Variants in CAMK1D observed in about 807,000 individuals in gnomAD.
CAMK1D encodes calcium/calmodulin dependent protein kinase ID.
In CAMK1D, 9 loss-of-function variants were observed where a neutral mutation model predicts 47.7. That is an observed-to-expected ratio of 0.19 (90% CI 0.11 to 0.33). CAMK1D has a LOEUF of 0.33. Among genes scored for constraint, CAMK1D ranks in the 10% least tolerant of loss-of-function variants. The pLI, the probability that CAMK1D is intolerant of heterozygous loss-of-function variation, is 1.00. For synonymous variants in CAMK1D, 184 were observed against 184.9 expected, an observed-to-expected ratio of 0.99 and a Z score of 0.04; for missense variants, 291 against 488.7, an observed-to-expected ratio of 0.60 and a Z score of 3.81.
In CAMK1D at chr10:12,662,651, C is replaced by CAAAAAAAAAAAAAAAAAAAAAAAAAAAA. The variant is rs56807588; in HGVS notation, c.225-4072_225-4071insAAAAAAAAAAAAAAAAAAAAAAAAAAAA. On this transcript the variant is annotated intron_variant, in intron 2 of 10. Transcript: ENST00000619168. ...TCGGAGACAGAGCAACACTCTGCCT[C>CAAAAAAAAAAAAAAAAAAAAAAAAAAAA]AAAAAAAAAAAAAGGAGATTGTGTT... Among the ~76,000 whole-genome samples, 34 of 140,496 alleles carry CAAAAAAAAAAAAAAAAAAAAAAAAAAAA rather than the reference C, an allele frequency of 2.4e-4. 1 individual carries two copies. Among genetic ancestry groups the CAAAAAAAAAAAAAAAAAAAAAAAAAAAA allele is most frequent in the African/African-American group, 7.6e-4 (29 of 37,920 alleles). 92.2% of individuals were successfully genotyped at this position (140,496 alleles called of 152,430 possible). A position where few individuals can be genotyped will look rare whatever the true frequency, so the allele number is the denominator to read the frequency against.
intron 2 of CAMK1D, among the ~76,000 whole-genome samples, chr10:12,622,714 C>T (rs943931587): frequency 1.3e-5 from 2 of 152,070 alleles, no homozygotes; most frequent in Non-Finnish European, 2.9e-5. Context: ...CAAACGCTGC[C>T]CTGGAGCGGC....
rs534297902 is a variant in CAMK1D at position 12,810,711 on chromosome 10, G to A, written c.642-3484G>A. On this transcript the variant is annotated intron_variant, in intron 6 of 10. Coordinates refer to ENST00000619168, the MANE Select transcript of CAMK1D (RefSeq NM_153498.4). ...GCCCCACAGAGAGAACACAAAGTCA[G>A]ATTGACTTCAACGCCCGAAGTTCAA... Among the ~76,000 whole-genome samples, 3 of 152,338 alleles carry A rather than the reference G, an allele frequency of 2.0e-5. No individual in the cohort carries two copies. In the South Asian group the frequency reaches 6.2e-4, roughly 32 times the overall value.
chr10:12,488,862 TG>T (rs1227137894), intron 1 of CAMK1D, among the ~76,000 whole-genome samples: 12 of 152,322 alleles, frequency 7.9e-5, no homozygotes, highest in Admixed American at 3.3e-4. Flanking sequence ...ATGCGAGGGA[TG>T]GGGAGCGGCT....
At chr10:12,559,230 G>T (rs1469890806) in intron 2 of CAMK1D, among the ~76,000 whole-genome samples, 1 of 151,988 alleles carries the variant, frequency 6.6e-6, no homozygotes, top group Non-Finnish European at 1.5e-5. Flanking sequence ...TGCTTGAGCC[G>T]AGGAGTTTGA....
chr10:12,507,216 A>T (rs1022475976), intron 1 of CAMK1D, among the ~76,000 whole-genome samples: 3 of 152,218 alleles, frequency 2.0e-5, no homozygotes, highest in African/African-American at 7.2e-5. Context: ...TGCAAAATGT[A>T]TCTCACAAGC....
chr10:12,433,294 C>T (rs1832540405), intron 1 of CAMK1D, among the ~76,000 whole-genome samples: 1 of 152,122 alleles, frequency 6.6e-6, no homozygotes, highest in Admixed American at 6.6e-5. Context: ...TACCAGCTGC[C>T]CTCCCTCCTG....
intron 3 of CAMK1D, among the ~76,000 whole-genome samples, chr10:12,696,030 A>G (rs1490574759): frequency 6.6e-6 from 1 of 152,072 alleles, no homozygotes; most frequent in Non-Finnish European, 1.5e-5. Context: ...GTGAGTTGAG[A>G]TTGCGCCATT....
chr10:12,740,073 T>C (rs1263145839), intron 3 of CAMK1D, among the ~76,000 whole-genome samples: 4 of 152,200 alleles, frequency 2.6e-5, no homozygotes, highest in African/African-American at 9.7e-5. Flanking sequence ...CATCCCGTCA[T>C]CTGGGATATT....
chr10:12,414,218 G>C (rs1190292649), intron 1 of CAMK1D, among the ~76,000 whole-genome samples: 1 of 152,178 alleles, frequency 6.6e-6, no homozygotes, highest in Non-Finnish European at 1.5e-5. Context: ...GAAATAGGAG[G>C]CATGCGTTTA....
intron 1 of CAMK1D, among the ~76,000 whole-genome samples, chr10:12,451,690 A>C (rs919211684): frequency 2.6e-5 from 4 of 152,222 alleles, no homozygotes; most frequent in Admixed American, 6.5e-5. Context: ...ATTTCTCTCA[A>C]ACTCTGAATA....
intron 1 of CAMK1D, among the ~76,000 whole-genome samples, chr10:12,363,644 A>G (rs556183847): frequency 2.6e-5 from 4 of 151,012 alleles, no homozygotes; most frequent in South Asian, 2.1e-4. Flanking sequence ...TTCAGTTCAG[A>G]CACAGTTTTT....
At chr10:12,432,936 A>G (rs1479809440) in intron 1 of CAMK1D, among the ~76,000 whole-genome samples, 3 of 152,212 alleles carry the variant, frequency 2.0e-5, no homozygotes, top group Non-Finnish European at 4.4e-5. Context: ...AGTCATGTAC[A>G]AGGTCCCCGG....
chr10:12,464,276 T>TC (rs1227333094), intron 1 of CAMK1D, among the ~76,000 whole-genome samples: 2 of 152,176 alleles, frequency 1.3e-5, no homozygotes, highest in Non-Finnish European at 1.5e-5. Context: ...AGGTGGGTCT[T>TC]CCATCAGTTG....
chr10:12,639,698 C>T (rs573508588), intron 2 of CAMK1D, among the ~76,000 whole-genome samples: 97 of 152,104 alleles, frequency 6.4e-4, no homozygotes, highest in Admixed American at 1.4e-3. Flanking sequence ...TTTTGTTTTT[C>T]GGTGTCTTTT....
rs1399014222 is a variant in CAMK1D at position 12,831,242 on chromosome 10, T to G, written c.*2355T>G. Reference sequence around the variant, plus strand: ...AGTGTCACCTGAGTTGGCCATGCAATGAATGAATATTATAAGCAGTATTGG... The same window carrying G: ...AGTGTCACCTGAGTTGGCCATGCAAGGAATGAATATTATAAGCAGTATTGG... On this transcript the variant is annotated 3_prime_UTR_variant, in exon 11 of 11. Transcript: ENST00000619168. 2 of 152,218 alleles carry G rather than the reference T, an allele frequency of 1.3e-5. No homozygotes were observed. The highest frequency in any genetic ancestry group is 1.5e-5 in the Non-Finnish European group (1 of 68,036). The allele number at this position is 152,218 out of a possible 1,614,324, so 9.4% of individuals were successfully genotyped here. A position where few individuals can be genotyped will look rare whatever the true frequency, so the allele number is the denominator to read the frequency against.
At chr10:12,670,349 T>C (rs1207347645) in intron 3 of CAMK1D, among the ~76,000 whole-genome samples, 2 of 152,210 alleles carry the variant, frequency 1.3e-5, no homozygotes, top group African/African-American at 4.8e-5. Context: ...TTCAGATCTT[T>C]CGCTCAATCT....
chr10:12,401,523 GC>G (rs1219948324), intron 1 of CAMK1D, among the ~76,000 whole-genome samples: 8 of 150,908 alleles, frequency 5.3e-5, no homozygotes, highest in African/African-American at 1.9e-4. Flanking sequence ...CCAGTGCTGA[GC>G]CCTGGGGTCA....
chr10:12,543,724 G>A (rs1338789065), intron 1 of CAMK1D, among the ~76,000 whole-genome samples: 6 of 152,196 alleles, frequency 3.9e-5, no homozygotes, highest in Admixed American at 3.3e-4. Flanking sequence ...AACTCAGGAA[G>A]AAAAGGCATT....
intron 1 of CAMK1D, among the ~76,000 whole-genome samples, chr10:12,437,668 A>T (rs962399005): frequency 6.6e-6 from 1 of 152,136 alleles, no homozygotes; most frequent in African/African-American, 2.4e-5. Context: ...ACACGTCACC[A>T]TCACCCTGAG....
Sources: allele counts gnomAD v4.1 joint callset (sites outside exome capture counted in the v4.1 genomes callset), GRCh38; gene constraint gnomAD v4.1.1; transcripts MANE v1.5; gene names NCBI Gene and HGNC (gene_info 2026-07-23, HGNC 2026-07-21).